PALLD: variants seen among roughly 807,000 people sequenced by gnomAD.
PALLD encodes the protein palladin.
PALLD carries 61 observed loss-of-function variants against 123.5 expected under a neutral mutation model. That is an observed-to-expected ratio of 0.49 (90% CI 0.40 to 0.61). The LOEUF (loss-of-function observed/expected upper bound fraction) is 0.61, where lower values mean the gene tolerates loss of function less well. Ranked by LOEUF, PALLD falls within the 20% of genes least tolerant of loss-of-function variation. The pLI is 0.00. For missense variants in PALLD, 1,273 were observed against 1,377.0 expected (o/e 0.92, Z 1.20); for synonymous variants, 465 against 496.4 (o/e 0.94, Z 0.84).
At chr4:168,851,637 G>C (rs1220684099) in intron 10 of PALLD, among the ~76,000 whole-genome samples, 2 of 152,084 alleles carry the variant, frequency 1.3e-5, no homozygotes, top group African/African-American at 2.4e-5. Context: ...CAAAGTGCTG[G>C]GATTACAGGC....
chr4:168,506,588 C>T (rs1762028795), intron 1 of PALLD, among the ~76,000 whole-genome samples: 1 of 152,106 alleles, frequency 6.6e-6, no homozygotes, highest in South Asian at 2.1e-4. Context: ...TCAGCTTCTC[C>T]CTTCTTACTG....
At position 168,640,884 on chromosome 4, in the gene PALLD, G is replaced by A. The variant is rs377044977; in HGVS notation, c.909-27306G>A. On this transcript the variant is annotated intron_variant, in intron 2 of 21. Coordinates refer to ENST00000505667, the MANE Select transcript of PALLD (RefSeq NM_001166108.2). The stretch of plus-strand genomic sequence containing the variant: ...AAATCTTAGAATTCCTAAAAATCCC[G>A]TGTGTGAGTTGGGTATGGTGCTTTT... Among the ~76,000 whole-genome samples the A allele has an allele frequency of 3.9e-5, 6 of 152,024 alleles. No individual in the cohort carries two copies. In the South Asian group the frequency reaches 6.2e-4, roughly 16 times the overall value.
chr4:168,715,071 G>A (rs766746072), intron 10 of PALLD, among the ~76,000 whole-genome samples: 14 of 152,056 alleles, frequency 9.2e-5, no homozygotes, highest in Admixed American at 4.6e-4. Flanking sequence ...CTGTGGTACC[G>A]CTCATAAAGT....
At chr4:168,865,401 C>T (rs1750119358) in intron 10 of PALLD, among the ~76,000 whole-genome samples, 1 of 152,230 alleles carries the variant, frequency 6.6e-6, no homozygotes, top group African/African-American at 2.4e-5. Context: ...CCTGCATTCA[C>T]ACCACGGACC....
At chr4:168,610,887 G>A (rs2149763960) in intron 2 of PALLD, among the ~76,000 whole-genome samples, 1 of 152,212 alleles carries the variant, frequency 6.6e-6, no homozygotes, top group Non-Finnish European at 1.5e-5. Context: ...TTTCTCCATG[G>A]GTACAGGGTG....
chr4:168,656,777 C>T (rs769278676), intron 2 of PALLD, among the ~76,000 whole-genome samples: 8 of 152,138 alleles, frequency 5.3e-5, no homozygotes, highest in Middle Eastern at 6.3e-3. Flanking sequence ...ACAGAAAATT[C>T]TTGGAATTAA....
rs185434098 is a variant in PALLD at position 168,812,476 on chromosome 4, T to C, written c.1965-78446T>C. Among the ~76,000 whole-genome samples the C allele has an allele frequency of 8.7e-4, 133 of 152,306 alleles. 1 individual carries two copies. Among genetic ancestry groups the C allele is most frequent in the Non-Finnish European group, 1.0e-4 (7 of 68,036 alleles). ...CTGGAGAGACAAGGAGCACAGCATCTATGGAACAGGGAGTTGGGCAGAAAG... is the reference window on the plus strand; with the variant it reads ...CTGGAGAGACAAGGAGCACAGCATCCATGGAACAGGGAGTTGGGCAGAAAG... On this transcript the variant is annotated intron_variant, in intron 10 of 21. Transcript: ENST00000505667.
At position 168,806,913 on chromosome 4, in the gene PALLD, C is replaced by T. The variant is rs568310159; in HGVS notation, c.1965-84009C>T. Among the ~76,000 whole-genome samples, 5 of 152,146 alleles carry T rather than the reference C, an allele frequency of 3.3e-5. No individual in the cohort carries two copies. In the South Asian group the frequency reaches 8.3e-4, roughly 25 times the overall value. ...ATATGTGTATAAACATGTATATGCA[C>T]ACACATTTACACACATACATATATG... On this transcript the variant is annotated intron_variant, in intron 10 of 21. Coordinates refer to ENST00000505667, the MANE Select transcript of PALLD (RefSeq NM_001166108.2).
At chr4:168,905,822 C>T (rs907626508) in intron 15 of PALLD, among the ~76,000 whole-genome samples, 25 of 105,316 alleles carry the variant, frequency 2.4e-4, no homozygotes, top group African/African-American at 3.8e-4. Flanking sequence ...TTTTTTGAGA[C>T]GGAATCTTGC....
intron 10 of PALLD, among the ~76,000 whole-genome samples, chr4:168,717,747 CATTT>C (rs1785502164): frequency 6.6e-6 from 1 of 152,152 alleles, no homozygotes; most frequent in African/African-American, 2.4e-5. Context: ...CAACTGACAT[CATTT>C]ATCTTGTAAA....
intron 2 of PALLD, among the ~76,000 whole-genome samples, chr4:168,644,609 A>G (rs190880509): frequency 1.3e-5 from 2 of 152,268 alleles, no homozygotes; most frequent in Non-Finnish European, 2.9e-5. Context: ...AATAGGACCA[A>G]AAAGCCATGT....
intron 10 of PALLD, among the ~76,000 whole-genome samples, chr4:168,817,971 G>C (rs1269693285): frequency 1.3e-5 from 2 of 152,092 alleles, no homozygotes; most frequent in Non-Finnish European, 2.9e-5. Context: ...GAAGAGTTTG[G>C]GTAGAGAGCT....
intron 10 of PALLD, among the ~76,000 whole-genome samples, chr4:168,796,431 C>A (rs1394328777): frequency 1.3e-5 from 2 of 152,210 alleles, no homozygotes; most frequent in Non-Finnish European, 2.9e-5. Context: ...TTCACTTGTC[C>A]TGTGATAGCT....
At chr4:168,597,457 A>G (rs188978487) in intron 2 of PALLD, among the ~76,000 whole-genome samples, 3 of 152,180 alleles carry the variant, frequency 2.0e-5, no homozygotes, top group Admixed American at 2.0e-4. Flanking sequence ...TTAAAACATG[A>G]CATATACCAC....
At chr4:168,902,773 A>AT (rs1756816346) in intron 14 of PALLD, among the ~76,000 whole-genome samples, 1 of 152,128 alleles carries the variant, frequency 6.6e-6, no homozygotes, top group Non-Finnish European at 1.5e-5. Flanking sequence ...ATTTACTTTT[A>AT]TTTTTTACAT....
chr4:168,630,696 G>A (rs1465918115), intron 2 of PALLD, among the ~76,000 whole-genome samples: 1 of 152,172 alleles, frequency 6.6e-6, no homozygotes, highest in African/African-American at 2.4e-5. Context: ...GGTCCCTCAT[G>A]AGTTTCTTCC....
chr4:168,540,584 A>AT (rs1330621012), intron 2 of PALLD, among the ~76,000 whole-genome samples: 2 of 152,076 alleles, frequency 1.3e-5, no homozygotes, highest in Non-Finnish European at 2.9e-5. Flanking sequence ...CAGTTTGCGC[A>AT]TTTTTTTAAA....
At chr4:168,920,189 G>C (rs1761157370) in intron 17 of PALLD, among the ~76,000 whole-genome samples, 1 of 152,226 alleles carries the variant, frequency 6.6e-6, no homozygotes, top group South Asian at 2.1e-4. Context: ...TACATGGAGA[G>C]CTGGGGACAG....
chr4:168,843,095 C>A (rs543587672), intron 10 of PALLD, among the ~76,000 whole-genome samples: 1 of 152,234 alleles, frequency 6.6e-6, no homozygotes, highest in South Asian at 2.1e-4. Context: ...TGTGGTTTTG[C>A]CAGAAAGGAA....
Sources: allele counts gnomAD v4.1 joint callset (sites outside exome capture counted in the v4.1 genomes callset), GRCh38; gene constraint gnomAD v4.1.1; transcripts MANE v1.5; gene names NCBI Gene and HGNC (gene_info 2026-07-23, HGNC 2026-07-21).